KDM3A: variants seen among roughly 807,000 people sequenced by gnomAD.
KDM3A encodes lysine demethylase 3A, also known as lysine-specific demethylase 3A.
Under a neutral mutation model 158.0 loss-of-function variants are expected in KDM3A, and 60 were observed. The ratio of observed to expected loss-of-function variants is 0.38; its 90% confidence interval spans 0.31 to 0.47. The LOEUF is 0.47. KDM3A is among the 20% of genes least tolerant of loss of function. The pLI is 0.99. For missense variants in KDM3A, 1,319 were observed against 1,574.3 expected (o/e 0.84, Z 2.74); for synonymous variants, 608 against 549.3 (o/e 1.11, Z -1.49).
rs775819688 is a variant in KDM3A at position 86,442,085 on chromosome 2, T to C, written c.38T>C (p.Val13Ala). ...CTCGGAGAAAGTTGGCCGGTATTGG[T>C]GGGGAGGAGGTTTCTCAGTCTGTCC... ...LTLGESWPVL[V>A]GRRFLSLSAA... The change falls in exon 2 of 26, where the codon GTG (valine) becomes GCG (alanine). Residue 13 changes from valine to alanine, a missense_variant. This residue lies in a region of KDM3A where 652 missense variants were observed against 627.2 expected (regional missense o/e 1.04). Coordinates refer to ENST00000312912, the MANE Select transcript of KDM3A (RefSeq NM_018433.6). The C allele has an allele frequency of 2.5e-5, 41 of 1,613,800 alleles. No homozygotes were observed. In the East Asian group the frequency reaches 8.7e-4, roughly 34 times the overall value.
chr2:86,441,944 G>A, intron 1 of KDM3A, 74 bp from the exon 2 acceptor site: 1 of 654,610 alleles, frequency 1.5e-6, no homozygotes, highest in Non-Finnish European at 2.5e-6. Flanking sequence ...CCCTCCGCCC[G>A]CCCTCCCTGC....
chr2:86,486,964 A>G (rs978543726), intron 21 of KDM3A: 2 of 152,276 alleles, frequency 1.3e-5, no homozygotes, highest in Non-Finnish European at 2.9e-5. Context: ...CCTGTTCCTC[A>G]CTTCTCAGGT....
chr2:86,473,249 C>G (rs1230956183), intron 11 of KDM3A, among the ~76,000 whole-genome samples: 1 of 152,228 alleles, frequency 6.6e-6, no homozygotes, highest in African/African-American at 2.4e-5. Flanking sequence ...TAACCTCAAA[C>G]TCCTGTGCTC....
At chr2:86,456,708 C>A in intron 6 of KDM3A, 97 bp from the exon 7 acceptor site, 1 of 1,267,546 alleles carries the variant, frequency 7.9e-7, no homozygotes, top group Non-Finnish European at 1.1e-6. Context: ...AGAAATTATT[C>A]ATAAGAAGCT....
At chr2:86,452,649 T>A (rs190711693) in intron 4 of KDM3A, among the ~76,000 whole-genome samples, 1 of 152,328 alleles carries the variant, frequency 6.6e-6, no homozygotes, top group Admixed American at 6.5e-5. Context: ...TTCTGTTTTG[T>A]GACTTCATAC....
At chr2:86,470,545 G>T in intron 11 of KDM3A, 137 bp downstream of exon 11, 1 of 669,212 alleles carries the variant, frequency 1.5e-6, no homozygotes, top group Non-Finnish European at 2.5e-6. Context: ...ATAATCTCTA[G>T]GTTGGAGAAT....
At chr2:86,474,674 A>T (rs1205565346) in intron 11 of KDM3A, 102 bp from the exon 12 acceptor site, 18 of 739,586 alleles carry the variant, frequency 2.4e-5, no homozygotes, top group Admixed American at 8.4e-5. Context: ...AAAAAAAAAA[A>T]AAAAGTAATT....
chr2:86,476,705 C>T (rs999043091), intron 12 of KDM3A, among the ~76,000 whole-genome samples: 13 of 152,204 alleles, frequency 8.5e-5, no homozygotes, highest in Non-Finnish European at 1.6e-4. Flanking sequence ...AGATGAAGTT[C>T]ATAAAATCTC....
intron 8 of KDM3A, among the ~76,000 whole-genome samples, chr2:86,459,090 A>G (rs1672822107): frequency 6.6e-6 from 1 of 152,204 alleles, no homozygotes; most frequent in Non-Finnish European, 1.5e-5. Flanking sequence ...TGCCTCAAAG[A>G]ACATGACAGT....
intron 11 of KDM3A, among the ~76,000 whole-genome samples, chr2:86,473,565 CA>C (rs746129027): frequency 6.6e-6 from 1 of 151,988 alleles, no homozygotes. Context: ...GGCAACAGGG[CA>C]AAACCCTGTC....
Position 86,466,572 on chromosome 2 carries a change from T to G in KDM3A, c.1208T>G (p.Leu403Trp). The G allele has an allele frequency of 6.2e-7, 1 of 1,613,914 alleles. No individual in the cohort carries two copies. Among genetic ancestry groups the G allele is most frequent in the Non-Finnish European group, 8.5e-7 (1 of 1,179,884 alleles). The change falls in exon 10 of 26, where the codon TTG becomes TGG. Residue 403 changes from leucine (L) to tryptophan (W), a missense_variant. Leu to Trp is a moderately conservative substitution (Grantham distance 61, BLOSUM62 -2). Coordinates refer to ENST00000312912, the MANE Select transcript of KDM3A (RefSeq NM_018433.6). ...ACAAACACTGATCAGGAAAACAGATTGGAGTCTGTTCCACAAGCATTGACT... is the reference window on the plus strand; with the variant it reads ...ACAAACACTGATCAGGAAAACAGATGGGAGTCTGTTCCACAAGCATTGACT... Reference protein sequence around the residue: ...PKTNTDQENRLESVPQALTGL... With the variant: ...PKTNTDQENRWESVPQALTGL...
At chr2:86,483,319 G>A (rs1303864127) in intron 18 of KDM3A, 1 of 152,352 alleles carries the variant, frequency 6.6e-6, no homozygotes, top group Non-Finnish European at 1.5e-5. Context: ...GAATTTGGGA[G>A]AATTGCCAAA....
intron 8 of KDM3A, among the ~76,000 whole-genome samples, chr2:86,463,213 C>A (rs148619852): frequency 3.3e-5 from 5 of 152,180 alleles, no homozygotes. Context: ...TAAGGCAAGA[C>A]GATTGAGAAA....
intron 21 of KDM3A, chr2:86,488,248 A>G (rs1674283249): frequency 6.6e-6 from 1 of 152,070 alleles, no homozygotes; most frequent in African/African-American, 2.4e-5. Context: ...GCTTTTTACT[A>G]TGGAACTATT....
At chr2:86,465,421 G>C (rs1421734710) in intron 9 of KDM3A, among the ~76,000 whole-genome samples, 1 of 152,044 alleles carries the variant, frequency 6.6e-6, no homozygotes, top group Non-Finnish European at 1.5e-5. Context: ...TTAGAGACAG[G>C]ATCTTGCTCT....
At chr2:86,466,162 T>TA (rs2104663952) in intron 9 of KDM3A, among the ~76,000 whole-genome samples, 1 of 149,548 alleles carries the variant, frequency 6.7e-6, no homozygotes, top group Admixed American at 6.6e-5. Flanking sequence ...AGGGTTGTAT[T>TA]TTTCTGAGTG....
chr2:86,444,471 T>TA lies in KDM3A; in HGVS notation c.186+2246dup, dbSNP rs946443414. ...GTTAAGTTTGGGGGCCATGTTGCAT[T>TA]AAAAAAAACCAGGATTTTATTTTAC... On this transcript the variant is annotated intron_variant, in intron 2 of 25. Coordinates refer to ENST00000312912, the MANE Select transcript of KDM3A (RefSeq NM_018433.6). 8.4e-4 allele frequency among the ~76,000 whole-genome samples: 127 copies of TA among 151,982 alleles called. 1 individual carries two copies. The highest frequency in any genetic ancestry group is 2.6e-3 in the African/African-American group (106 of 41,472).
At chr2:86,441,565 G>GGCCGGGAAGCTGGGC (rs1682705891) in intron 1 of KDM3A, 121 bp downstream of exon 1, 1 of 151,236 alleles carries the variant, frequency 6.6e-6, no homozygotes, top group African/African-American at 2.4e-5. Context: ...CGGGGTTCGG[G>GGCCGGGAAGCTGGGC]GCCGGGGAGC....
intron 3 of KDM3A, 50 bp downstream of exon 3, chr2:86,450,012 C>T: frequency 6.5e-7 from 1 of 1,529,432 alleles, no homozygotes. Flanking sequence ...GCATTTTATC[C>T]ATTGTGGGTA....
Sources: allele counts gnomAD v4.1 joint callset (sites outside exome capture counted in the v4.1 genomes callset), GRCh38; gene constraint gnomAD v4.1.1; regional missense constraint gnomAD v4.1.1; transcripts MANE v1.5; gene names NCBI Gene and HGNC (gene_info 2026-07-23, HGNC 2026-07-21).